Variants in AVIL observed in about 807,000 individuals in gnomAD.
AVIL encodes advillin.
A neutral mutation model predicts 109.9 loss-of-function variants in AVIL; 78 were observed. The ratio of observed to expected loss-of-function variants is 0.71; its 90% confidence interval spans 0.59 to 0.86. AVIL has a LOEUF of 0.86. AVIL is among the 40% of genes least tolerant of loss of function. The probability of loss-of-function intolerance (pLI) is 0.00; values close to 1 mark genes in which losing one functional copy is unlikely to be tolerated. For synonymous variants in AVIL, 367 were observed against 379.1 expected (o/e 0.97, Z 0.37); for missense variants, 892 against 1,016.5 (o/e 0.88, Z 1.67).
chr12:57,814,615 A>G (rs563167442), intron 2 of AVIL: 6 of 192,420 alleles, frequency 3.1e-5, no homozygotes, highest in Admixed American at 1.6e-4. Flanking sequence ...GCTCTTCCCA[A>G]CGCTGACCAC....
At chr12:57,798,071 C>A in intron 19 of AVIL, 76 bp from the exon 20 acceptor site, 5 of 1,075,512 alleles carry the variant, frequency 4.6e-6, no homozygotes, top group South Asian at 1.6e-5. Flanking sequence ...GAAGTTGGAG[C>A]AAGAGGGAGT....
At chr12:57,800,092 T>C (rs1390039234) in intron 18 of AVIL, 172 bp from the exon 19 acceptor site, 6 of 872,214 alleles carry the variant, frequency 6.9e-6, no homozygotes, top group Non-Finnish European at 1.7e-6. Context: ...CATCTGGGAA[T>C]AGAAAATATT....
chr12:57,808,656 T>A (rs1006023975), intron 9 of AVIL, 108 bp from the exon 10 acceptor site: 6 of 1,304,920 alleles, frequency 4.6e-6, no homozygotes, highest in Non-Finnish European at 6.2e-6. Context: ...GCGTCTCCCC[T>A]CTGGGAGTCA....
intron 13 of AVIL, among the ~76,000 whole-genome samples, chr12:57,806,854 A>T (rs1955955749): frequency 6.6e-6 from 1 of 152,176 alleles, no homozygotes; most frequent in East Asian, 1.9e-4. Context: ...TGGAAACTTG[A>T]CTAGTAAATG....
Position 57,807,348 on chromosome 12 carries a change from TC to T in AVIL, c.1473del (p.Lys492SerfsTer2). ...EPRHFMAIFK[G>X]KLVIFEGGTS... ...ATCCTCACCTCAAAGATAACTAGCT[TC>T]CCTTTGAAGATGGCCATGAAGTGGC... On this transcript the variant is annotated frameshift_variant, in exon 13 of 20. Transcript: ENST00000549994. LOFTEE classifies it high-confidence loss of function. The T allele has an allele frequency of 6.2e-7, 1 of 1,614,192 alleles. No individual in the cohort carries two copies. The highest frequency in any genetic ancestry group is 8.5e-7 in the Non-Finnish European group (1 of 1,180,040).
At chr12:57,802,107 C>T in intron 17 of AVIL, 53 bp downstream of exon 17, 1 of 1,582,072 alleles carries the variant, frequency 6.3e-7, no homozygotes, top group Non-Finnish European at 8.7e-7. Flanking sequence ...GCCCACTGAG[C>T]TGTTCTGAGC....
At chr12:57,812,543 G>A (rs980407479) in intron 4 of AVIL, among the ~76,000 whole-genome samples, 1 of 151,920 alleles carries the variant, frequency 6.6e-6, no homozygotes, top group Non-Finnish European at 1.5e-5. Context: ...TGTATTATTA[G>A]TAGAGACGGG....
intron 11 of AVIL, 71 bp downstream of exon 11, chr12:57,808,123 A>ACCCCTGCC: frequency 6.6e-7 from 1 of 1,516,576 alleles, no homozygotes; most frequent in Non-Finnish European, 9.2e-7. Context: ...AATCACCTGC[A>ACCCCTGCC]CCCCTGCCCC....
intron 14 of AVIL, chr12:57,806,123 C>T: frequency 2.2e-6 from 1 of 448,334 alleles, no homozygotes; most frequent in South Asian, 2.4e-5. Context: ...GGATGAGCCA[C>T]CGTGCCCAGC....
chr12:57,803,611 C>T lies in AVIL; in HGVS notation c.1730G>A (p.Gly577Asp), dbSNP rs1314604442. Residue 577 changes from glycine to aspartate, a missense_variant, in exon 15 of 20, where the codon GGC becomes GAC. Transcript: ENST00000549994. ...AKELASLLCD[G>D]SENTVAEGQE... ...GCCCTCGGCCACAGTGTTCTCGCTG[C>T]CATCACAGAGAAGGCTGGCCAGCTC... 5 of 1,614,166 alleles carry T rather than the reference C, an allele frequency of 3.1e-6. No homozygotes were observed. The highest frequency in any genetic ancestry group is 2.2e-5 in the East Asian group (1 of 44,876).
At chr12:57,806,581 T>A in intron 13 of AVIL, 42 bp from the exon 14 acceptor site, 1 of 1,606,462 alleles carries the variant, frequency 6.2e-7, no homozygotes, top group Non-Finnish European at 8.5e-7. Flanking sequence ...AGGAGCACCA[T>A]GTGAGCAGAG....
chr12:57,814,255 A>G, intron 2 of AVIL, 29 bp from the exon 3 acceptor site: 2 of 1,596,404 alleles, frequency 1.3e-6, no homozygotes, highest in Non-Finnish European at 1.7e-6. Flanking sequence ...GGTATAGGCT[A>G]CATCCCCTCC....
chr12:57,806,291 T>C, intron 14 of AVIL, 69 bp downstream of exon 14: 1 of 1,567,682 alleles, frequency 6.4e-7, no homozygotes. Flanking sequence ...TTGACCTTGC[T>C]GACAGGAGGA....
Position 57,813,372 on chromosome 12 carries a change from T to C in AVIL, c.193A>G (p.Lys65Glu). The C allele has an allele frequency of 6.2e-7, 1 of 1,614,100 alleles. No homozygotes were observed. The highest frequency in any genetic ancestry group is 8.5e-7 in the Non-Finnish European group (1 of 1,179,996). The change falls in exon 4 of 20, where the codon AAG becomes GAG. Residue 65 changes from lysine to glutamate, a missense_variant. By Grantham distance (56) the Lys-to-Glu change is moderately conservative (BLOSUM62 1). Coordinates refer to ENST00000549994, the MANE Select transcript of AVIL (RefSeq NM_006576.4). Reference protein sequence around the residue: ...LSQDIHFWIGKDSSQDEQSCA... With the variant: ...LSQDIHFWIGEDSSQDEQSCA... ...CTTTGCTCATCCTGGGAGGAGTCCT[T>C]CCCGATCCAGAAGTGGATGTCCTGG...
chr12:57,811,203 G>T, intron 4 of AVIL, 76 bp from the exon 5 acceptor site: 1 of 1,347,822 alleles, frequency 7.4e-7, no homozygotes, highest in South Asian at 1.2e-5. Flanking sequence ...GAATTACACA[G>T]ATGCAGCCTC....
intron 7 of AVIL, 68 bp from the exon 8 acceptor site, chr12:57,809,958 G>T: frequency 6.5e-7 from 1 of 1,534,532 alleles, no homozygotes. Flanking sequence ...ACTAGATGTT[G>T]TTCTGGTTTG....
Position 57,813,722 on chromosome 12 carries a change from C to T in AVIL, c.142-299G>A, listed in dbSNP as rs992814203. Reference sequence around the variant, plus strand: ...GGTTGCAGGCTTACCTCACAGGTCCCCTTGGTCCCTTGCACTCACACAGCT... The same window carrying T: ...GGTTGCAGGCTTACCTCACAGGTCCTCTTGGTCCCTTGCACTCACACAGCT... On this transcript the variant is annotated intron_variant, in intron 3 of 19. Coordinates refer to ENST00000549994, the MANE Select transcript of AVIL (RefSeq NM_006576.4). Among the ~76,000 whole-genome samples the T allele has an allele frequency of 1.1e-4, 17 of 152,348 alleles. 1 individual carries two copies. The highest frequency in any genetic ancestry group is 3.8e-4 in the African/African-American group (16 of 41,580).
intron 14 of AVIL, among the ~76,000 whole-genome samples, chr12:57,805,163 CT>C (rs1955923359): frequency 6.6e-6 from 1 of 152,020 alleles, no homozygotes; most frequent in Non-Finnish European, 1.5e-5. Flanking sequence ...TCAAGCAATT[CT>C]CCTGCCTCAG....
At chr12:57,808,088 G>A in intron 11 of AVIL, 106 bp downstream of exon 11, 1 of 1,328,886 alleles carries the variant, frequency 7.5e-7, no homozygotes, top group Admixed American at 1.7e-5. Context: ...TGCCGGAGGG[G>A]AAAGGGAAAG....
Sources: gnomAD v4.1 joint callset for allele counts (sites outside exome capture counted in the v4.1 genomes callset) on GRCh38, gnomAD v4.1.1 for gene constraint, MANE v1.5 for transcripts, NCBI Gene and HGNC (gene_info 2026-07-23, HGNC 2026-07-21) for gene names.